RGMA: variants seen among roughly 807,000 people sequenced by gnomAD.
RGMA encodes repulsive guidance molecule BMP co-receptor a.
Under a neutral mutation model 23.2 loss-of-function variants are expected in RGMA, and 10 were observed. The ratio of observed to expected loss-of-function variants is 0.43; its 90% confidence interval spans 0.27 to 0.73. RGMA has a LOEUF of 0.73. Ranked by LOEUF, RGMA falls within the 30% of genes least tolerant of loss-of-function variation. RGMA has a pLI of 0.20. For missense variants in RGMA, 547 were observed against 630.5 expected (o/e 0.87, Z 1.42); for synonymous variants, 308 against 279.3 (o/e 1.10, Z -1.03).
At chr15:93,050,186 G>C (rs911150733) in intron 3 of RGMA, among the ~76,000 whole-genome samples, 2 of 152,142 alleles carry the variant, frequency 1.3e-5, no homozygotes, top group Non-Finnish European at 2.9e-5. Context: ...CACTAGCCTG[G>C]GAGCTTCTGG....
chr15:93,059,193 C>T (rs141583510), intron 2 of RGMA, among the ~76,000 whole-genome samples: 16 of 152,268 alleles, frequency 1.1e-4, no homozygotes, highest in African/African-American at 3.9e-4. Context: ...CTCAGGACAC[C>T]AGCTGAGACT....
chr15:93,073,459 G>A, intron 1 of RGMA: 1 of 1,018,168 alleles, frequency 9.8e-7, no homozygotes, highest in Non-Finnish European at 1.4e-6. Context: ...CAGCACCCTT[G>A]GGAGGCCGCA....
chr15:93,058,068 G>A (rs2055042510), intron 2 of RGMA, among the ~76,000 whole-genome samples: 1 of 152,188 alleles, frequency 6.6e-6, no homozygotes, highest in South Asian at 2.1e-4. Context: ...TCTGGGTCCT[G>A]AAGCACAATT....
chr15:93,088,935 G>T lies in RGMA; in HGVS notation c.-3C>A. ...CGCGCTTACCTTGGCGGCTGCATGAGCCCCTGCGGCCCGCGGGGGGTGGCG... is the reference window on the plus strand; with the variant it reads ...CGCGCTTACCTTGGCGGCTGCATGATCCCCTGCGGCCCGCGGGGGGTGGCG... On this transcript the variant is annotated 5_prime_UTR_variant, in exon 1 of 4. Coordinates refer to ENST00000329082, the MANE Select transcript of RGMA (RefSeq NM_020211.3). 1 of 1,417,728 alleles carries T rather than the reference G, an allele frequency of 7.1e-7. No individual in the cohort carries two copies. The allele number at this position is 1,417,728 out of a possible 1,614,324, so 87.8% of individuals were successfully genotyped here.
rs148598176 is a variant in RGMA, at chr15:93,071,470, T to C, written c.130+1446A>G. Among the ~76,000 whole-genome samples, 16 of 152,290 alleles carry C rather than the reference T, an allele frequency of 1.1e-4. No individual in the cohort carries two copies. In the East Asian group the frequency reaches 1.7e-3, roughly 17 times the overall value. On this transcript the variant is annotated intron_variant, in intron 2 of 3. Coordinates refer to ENST00000329082, the MANE Select transcript of RGMA (RefSeq NM_020211.3). ...TACCAAGATCCCTCACCCGACATCT[T>C]GTCCTTGGCCAGGCCTCCCTATGGA...
intron 2 of RGMA, 22 bp downstream of exon 2, chr15:93,072,894 C>G (rs1298499277): frequency 6.3e-7 from 1 of 1,587,632 alleles, no homozygotes; most frequent in Non-Finnish European, 8.6e-7. Flanking sequence ...CGGCCCCGCG[C>G]GCCCGGCCGG....
At chr15:93,078,275 A>AT (rs1374436533) in intron 1 of RGMA, among the ~76,000 whole-genome samples, 3 of 152,178 alleles carry the variant, frequency 2.0e-5, no homozygotes, top group African/African-American at 7.2e-5. Context: ...GGTTCCAGGT[A>AT]TTTTTGCCAA....
chr15:93,052,653 T>C (rs1267804278), intron 2 of RGMA, 146 bp from the exon 3 acceptor site: 1 of 956,812 alleles, frequency 1.0e-6, no homozygotes, highest in East Asian at 2.7e-5. Flanking sequence ...AAAAATTTCC[T>C]GCAGGTGGTA....
intron 2 of RGMA, 131 bp downstream of exon 2, chr15:93,072,785 C>T: frequency 1.0e-6 from 1 of 1,000,338 alleles, no homozygotes; most frequent in Non-Finnish European, 1.4e-6. Flanking sequence ...ACAAAAGACC[C>T]GTGGAAATAG....
intron 1 of RGMA, among the ~76,000 whole-genome samples, chr15:93,085,681 A>G (rs68182220): frequency 0.2 from 30,624 of 152,060 alleles, 4,218 homozygotes; most frequent in East Asian, 0.48. Flanking sequence ...TGAGGTTATA[A>G]AAGACATTTG....
Position 93,089,069 on chromosome 15 carries a change from G to A in RGMA, c.-137C>T. The A allele has an allele frequency of 2.2e-6, 1 of 447,582 alleles. No individual in the cohort carries two copies. The allele number at this position is 447,582 out of a possible 1,614,324, so 27.7% of individuals were successfully genotyped here. On this transcript the variant is annotated 5_prime_UTR_variant, in exon 1 of 4. Coordinates refer to ENST00000329082, the MANE Select transcript of RGMA (RefSeq NM_020211.3). ...GGTCCCCGCCGCCCCGGCCGGCTCA[G>A]CAGCGGCCCGGGGAGCGCCTCCTGC...
intron 2 of RGMA, among the ~76,000 whole-genome samples, chr15:93,065,399 GAAAA>G (rs113680569): frequency 1.5e-5 from 2 of 131,110 alleles, no homozygotes; most frequent in South Asian, 4.9e-4. Context: ...GATAAGGGAA[GAAAA>G]AAAAAAAAAA....
chr15:93,048,022 C>A (rs1005422272), intron 3 of RGMA, among the ~76,000 whole-genome samples: 1 of 152,154 alleles, frequency 6.6e-6, no homozygotes, highest in East Asian at 1.9e-4. Context: ...AGGGGTGCAG[C>A]AGAGTGGCCT....
chr15:93,059,585 T>C (rs2055069466), intron 2 of RGMA, among the ~76,000 whole-genome samples: 3 of 152,200 alleles, frequency 2.0e-5, no homozygotes, highest in Admixed American at 2.0e-4. Context: ...CTGGGAACGA[T>C]GGGTCCCAGA....
rs2054650236 is a variant in RGMA at position 93,035,394 on chromosome 15, G to A, written c.*9604C>T. The A allele has an allele frequency of 6.6e-6, 1 of 152,294 alleles. No homozygotes were observed. The highest frequency in any genetic ancestry group is 1.9e-4 in the East Asian group (1 of 5,194). The allele number at this position is 152,294 out of a possible 1,614,324, so 9.4% of individuals were successfully genotyped here. On this transcript the variant is annotated 3_prime_UTR_variant, in exon 4 of 4. Coordinates refer to ENST00000329082, the MANE Select transcript of RGMA (RefSeq NM_020211.3). ...GGGAAGAGAGATTGGGGTCCCCTCT[G>A]AATACAGTACAGGCAAGTGGGAATT...
At chr15:93,083,768 G>C (rs553739841) in intron 1 of RGMA, among the ~76,000 whole-genome samples, 1 of 152,352 alleles carries the variant, frequency 6.6e-6, no homozygotes, top group African/African-American at 2.4e-5. Context: ...AAATTCAGCA[G>C]TGAGGGGTTA....
At chr15:93,078,656 C>T (rs1895511206) in intron 1 of RGMA, among the ~76,000 whole-genome samples, 2 of 152,194 alleles carry the variant, frequency 1.3e-5, no homozygotes, top group Admixed American at 1.3e-4. Flanking sequence ...TACAAAGCAG[C>T]CCGGCCTCTT....
chr15:93,064,186 C>T (rs556490629), intron 2 of RGMA, among the ~76,000 whole-genome samples: 3 of 152,316 alleles, frequency 2.0e-5, no homozygotes, highest in Admixed American at 6.5e-5. Context: ...CTGATAGCTT[C>T]TCTAGGCAAG....
At chr15:93,046,243 C>G (rs2054822667) in intron 3 of RGMA, among the ~76,000 whole-genome samples, 1 of 152,122 alleles carries the variant, frequency 6.6e-6, no homozygotes, top group Non-Finnish European at 1.5e-5. Context: ...GGAGATTTGA[C>G]TAACTAGGAC....
Sources: gnomAD v4.1 joint callset for allele counts (sites outside exome capture counted in the v4.1 genomes callset) on GRCh38, gnomAD v4.1.1 for gene constraint, MANE v1.5 for transcripts, NCBI Gene and HGNC (gene_info 2026-07-23, HGNC 2026-07-21) for gene names.